Variants in GARIN1B observed in about 807,000 individuals in gnomAD.
GARIN1B encodes golgi associated RAB2 interactor 1B.
At chr7:128,710,537 T>C in the GARIN1B span, among the ~76,000 whole-genome samples, 1 of 151,880 alleles carries the variant, frequency 6.6e-6, no homozygotes, top group African/African-American at 2.4e-5. Context: ...TATTGTATGA[T>C]ATTTATCCCA....
At chr7:128,729,823 C>G in the GARIN1B span, 1 of 1,445,856 alleles carries the variant, frequency 6.9e-7, no homozygotes, top group Non-Finnish European at 9.5e-7. Context: ...ATCGTAAGCA[C>G]CCCCCCAAAT....
chr7:128,730,804 G>A, the GARIN1B span, among the ~76,000 whole-genome samples: 3 of 151,966 alleles, frequency 2.0e-5, no homozygotes, highest in African/African-American at 7.3e-5. Context: ...GCACCACCAC[G>A]CCCAGCTAAT....
the GARIN1B span, among the ~76,000 whole-genome samples, chr7:128,720,680 A>G: frequency 6.6e-6 from 1 of 152,106 alleles, no homozygotes; most frequent in African/African-American, 2.4e-5. Context: ...TTTTGTGTAT[A>G]TGGATATGTA....
the GARIN1B span, chr7:128,719,047 A>AC: frequency 6.2e-7 from 1 of 1,614,040 alleles, no homozygotes; most frequent in Non-Finnish European, 8.5e-7. Context: ...ACTGCCTGGT[A>AC]CCCAAGAACT....
At chr7:128,729,816 G>T in the GARIN1B span, 9 of 1,426,290 alleles carry the variant, frequency 6.3e-6, no homozygotes, top group East Asian at 1.4e-4. Flanking sequence ...CTGGCACATC[G>T]TAAGCACCCC....
chr7:128,712,877 A>G, the GARIN1B span, among the ~76,000 whole-genome samples: 1 of 152,246 alleles, frequency 6.6e-6, no homozygotes. Context: ...GCTTAAAGTT[A>G]TTGGTAAATA....
chr7:128,726,579 G>A, the GARIN1B span, among the ~76,000 whole-genome samples: 1 of 151,886 alleles, frequency 6.6e-6, no homozygotes, highest in African/African-American at 2.4e-5. Context: ...CTCCTCCTCA[G>A]CAAAATCAGC....
At chr7:128,714,230 C>A in the GARIN1B span, 1 of 1,222,752 alleles carries the variant, frequency 8.2e-7, no homozygotes, top group Non-Finnish European at 1.2e-6. Flanking sequence ...GATTGTCAAA[C>A]TCTGTCTATA....
At chr7:128,715,317 T>C in the GARIN1B span, 1 of 1,493,814 alleles carries the variant, frequency 6.7e-7, no homozygotes, top group Non-Finnish European at 8.8e-7. Context: ...TGGTTTTTCA[T>C]GATGTCATCC....
chr7:128,711,697 A>T, the GARIN1B span, among the ~76,000 whole-genome samples: 5 of 145,816 alleles, frequency 3.4e-5, no homozygotes, highest in South Asian at 2.2e-4. Context: ...ACACACACAC[A>T]CTTACAGTGA....
the GARIN1B span, chr7:128,718,704 G>A: frequency 1.6e-6 from 2 of 1,229,998 alleles, no homozygotes; most frequent in Non-Finnish European, 2.3e-6. Flanking sequence ...GCAGCACTGT[G>A]CTAAAGCACC....
the GARIN1B span, chr7:128,724,785 C>T: frequency 4.7e-6 from 6 of 1,289,516 alleles, no homozygotes; most frequent in Non-Finnish European, 6.1e-6. Flanking sequence ...GTTGGACCAG[C>T]AGTTCAGAGG....
At chr7:128,723,407 G>T in the GARIN1B span, 1 of 1,514,114 alleles carries the variant, frequency 6.6e-7, no homozygotes, top group South Asian at 1.2e-5. Flanking sequence ...AAATAGCTTG[G>T]TTAATGAGCG....
At chr7:128,719,719 AGATGGAG>A in the GARIN1B span, among the ~76,000 whole-genome samples, 2 of 39,408 alleles carry the variant, frequency 5.1e-5, no homozygotes, top group Non-Finnish European at 9.7e-5. Flanking sequence ...TTTTTTTTTG[AGATGGAG>A]TCTTACTCTG....
the GARIN1B span, among the ~76,000 whole-genome samples, chr7:128,712,337 C>A: frequency 6.6e-6 from 1 of 152,110 alleles, no homozygotes; most frequent in South Asian, 2.1e-4. Flanking sequence ...TAAAATGTAC[C>A]ATTTTAACCA....
the GARIN1B span, among the ~76,000 whole-genome samples, chr7:128,725,338 T>TTTCCTTCC: frequency 9.5e-3 from 1,427 of 149,488 alleles, 13 homozygotes; most frequent in African/African-American, 0.012. Context: ...ATCAAATCAC[T>TTTCCTTCC]TTCCTTCCTT....
the GARIN1B span, chr7:128,718,871 C>T: frequency 6.2e-7 from 1 of 1,614,110 alleles, no homozygotes; most frequent in Non-Finnish European, 8.5e-7. Flanking sequence ...GGTATGTGAC[C>T]ACTATCAACG....
chr7:128,730,108 G>A, the GARIN1B span: 2 of 1,593,342 alleles, frequency 1.3e-6, no homozygotes, highest in Non-Finnish European at 8.6e-7. Context: ...TTGTGGGGCA[G>A]CCCTGGCATT....
At chr7:128,723,138 G>A in the GARIN1B span, 1 of 1,485,278 alleles carries the variant, frequency 6.7e-7, no homozygotes. Flanking sequence ...CATGATATTA[G>A]GAAAATGTGA....
Sources: gnomAD v4.1 joint callset for allele counts (sites outside exome capture counted in the v4.1 genomes callset) on GRCh38, gnomAD v4.1.1 for gene constraint, MANE v1.5 for transcripts, NCBI Gene and HGNC (gene_info 2026-07-23, HGNC 2026-07-21) for gene names.